CSMD1: variants seen among roughly 807,000 people sequenced by gnomAD.
CSMD1 encodes the protein CUB and sushi domain-containing protein 1.
A neutral mutation model predicts 417.5 loss-of-function variants in CSMD1; 213 were observed. The observed-to-expected ratio is 0.51, with a 90% CI of 0.46 to 0.57. The LOEUF is 0.57. Among genes scored for constraint, CSMD1 ranks in the 20% least tolerant of loss-of-function variants. CSMD1 has a pLI of 0.00. For missense variants in CSMD1, 6,923 were observed against 4,529.7 expected (o/e 1.53, Z -15.17); for synonymous variants, 2,862 against 1,736.8 (o/e 1.65, Z -16.11).
chr8:4,970,294 T>A (rs2117377985), intron 1 of CSMD1, among the ~76,000 whole-genome samples: 1 of 152,208 alleles, frequency 6.6e-6, no homozygotes, highest in Middle Eastern at 3.4e-3. Context: ...ATCATTTGTC[T>A]GTAAAATGGG....
intron 3 of CSMD1, among the ~76,000 whole-genome samples, chr8:4,402,357 A>G (rs1585020095): frequency 6.6e-6 from 1 of 151,276 alleles, no homozygotes. Context: ...CCCTGACTGC[A>G]CCCTCAATTC....
intron 5 of CSMD1, among the ~76,000 whole-genome samples, chr8:3,939,069 GAATA>G (rs1810698874): frequency 6.6e-6 from 1 of 152,072 alleles, no homozygotes; most frequent in African/African-American, 2.4e-5. Context: ...CAGTCTGACA[GAATA>G]AATAAATCTC....
chr8:4,023,719 T>A (rs1026056697), intron 4 of CSMD1, among the ~76,000 whole-genome samples: 2 of 149,336 alleles, frequency 1.3e-5, no homozygotes, highest in Non-Finnish European at 3.0e-5. Context: ...CCCGAGTAGC[T>A]GGGACTACAA....
intron 1 of CSMD1, among the ~76,000 whole-genome samples, chr8:4,649,243 C>T (rs1190002620): frequency 6.6e-6 from 1 of 152,200 alleles, no homozygotes; most frequent in Non-Finnish European, 1.5e-5. Context: ...GCACAGTAAA[C>T]ATTTGGTCTA....
At chr8:4,151,933 G>C (rs977906008) in intron 3 of CSMD1, among the ~76,000 whole-genome samples, 5 of 152,116 alleles carry the variant, frequency 3.3e-5, no homozygotes, top group Non-Finnish European at 7.4e-5. Flanking sequence ...GATAAGTTTT[G>C]CCTGCATAAA....
intron 4 of CSMD1, among the ~76,000 whole-genome samples, chr8:4,009,602 T>A (rs146677572): frequency 1.3e-5 from 2 of 152,144 alleles, no homozygotes; most frequent in Admixed American, 1.3e-4. Flanking sequence ...ATTTTTACAA[T>A]TGCATGGGGA....
intron 2 of CSMD1, among the ~76,000 whole-genome samples, chr8:4,467,122 TAAAAAAAAAAA>T (rs35481238): frequency 2.3e-5 from 2 of 86,254 alleles, no homozygotes; most frequent in Non-Finnish European, 4.6e-5. Flanking sequence ...TTCTTCAGAG[TAAAAAAAAAAA>T]AAAAAAAGAA....
chr8:3,980,702 G>T (rs1030646065), intron 5 of CSMD1, among the ~76,000 whole-genome samples: 1 of 152,098 alleles, frequency 6.6e-6, no homozygotes. Flanking sequence ...GAATTTAAAA[G>T]AACGATGTGA....
At chr8:3,759,543 G>A (rs114114672) in intron 5 of CSMD1, among the ~76,000 whole-genome samples, 112 of 151,930 alleles carry the variant, frequency 7.4e-4, no homozygotes, top group African/African-American at 2.4e-3. Flanking sequence ...GAGATTATGG[G>A]GCAAATGGTG....
chr8:4,144,778 T>C (rs907664940), intron 3 of CSMD1, among the ~76,000 whole-genome samples: 2 of 150,946 alleles, frequency 1.3e-5, no homozygotes, highest in South Asian at 2.1e-4. Context: ...GAATGATGGA[T>C]TTACCAGGTT....
chr8:3,459,019 CAA>C (rs1816327587), intron 12 of CSMD1, among the ~76,000 whole-genome samples: 1 of 152,194 alleles, frequency 6.6e-6, no homozygotes, highest in Non-Finnish European at 1.5e-5. Context: ...TTCCTACCCG[CAA>C]GGGTAGGAAG....
chr8:3,181,375 C>A (rs1464081058), intron 36 of CSMD1, among the ~76,000 whole-genome samples, 161 bp from the exon 37 acceptor site: 2 of 152,204 alleles, frequency 1.3e-5, no homozygotes, highest in African/African-American at 4.8e-5. Context: ...TTCAGCCATT[C>A]TATTTTTCTA....
Position 4,660,995 on chromosome 8 carries a change from T to C in CSMD1, c.86-23437A>G, listed in dbSNP as rs143765421. On this transcript the variant is annotated intron_variant, in intron 1 of 69. Transcript: ENST00000635120. ...AAATCTGGTTAGCATAAGAAGAAAATGGATCATACATACATTGCTGGTTGG... is the reference window on the plus strand; with the variant it reads ...AAATCTGGTTAGCATAAGAAGAAAACGGATCATACATACATTGCTGGTTGG... Among the ~76,000 whole-genome samples, 320 of 152,140 alleles carry C rather than the reference T, an allele frequency of 2.1e-3. 3 individuals carry two copies. Among genetic ancestry groups the C allele is most frequent in the African/African-American group, 6.2e-3 (259 of 41,528 alleles).
intron 6 of CSMD1, among the ~76,000 whole-genome samples, chr8:3,718,101 C>T (rs1472028957): frequency 6.6e-6 from 1 of 152,164 alleles, no homozygotes; most frequent in Non-Finnish European, 1.5e-5. Context: ...TTTTTATTAA[C>T]ATTTAAAATA....
chr8:4,423,721 G>A (rs552841685), intron 2 of CSMD1, among the ~76,000 whole-genome samples: 4 of 143,704 alleles, frequency 2.8e-5, no homozygotes, highest in African/African-American at 9.9e-5. Flanking sequence ...AATTTATGTG[G>A]GAAGGCAAAC....
At chr8:4,908,815 C>A (rs1477670121) in intron 1 of CSMD1, among the ~76,000 whole-genome samples, 1 of 152,038 alleles carries the variant, frequency 6.6e-6, no homozygotes, top group African/African-American at 2.4e-5. Context: ...CTACTTTTCC[C>A]ATTAGCACTC....
chr8:3,335,631 G>C (rs748049958), intron 23 of CSMD1, among the ~76,000 whole-genome samples: 24 of 152,104 alleles, frequency 1.6e-4, no homozygotes, highest in African/African-American at 5.6e-4. Flanking sequence ...AGTCGAGCTC[G>C]TGCCATTGCA....
intron 1 of CSMD1, among the ~76,000 whole-genome samples, chr8:4,771,297 C>T (rs909687197): frequency 2.0e-5 from 3 of 152,178 alleles, no homozygotes; most frequent in Non-Finnish European, 2.9e-5. Context: ...TCTACCATAT[C>T]TAATTGTATT....
chr8:3,039,235 C>T (rs1810903346), intron 50 of CSMD1, among the ~76,000 whole-genome samples: 1 of 139,398 alleles, frequency 7.2e-6, no homozygotes, highest in Non-Finnish European at 1.5e-5. Context: ...TCTCAGCCCG[C>T]AAAATCTGAC....
Sources: allele counts gnomAD v4.1 joint callset (sites outside exome capture counted in the v4.1 genomes callset), GRCh38; gene constraint gnomAD v4.1.1; transcripts MANE v1.5; gene names NCBI Gene and HGNC (gene_info 2026-07-23, HGNC 2026-07-21).